Variants in FARS2 observed in about 807,000 individuals in gnomAD.
FARS2 encodes phenylalanyl-tRNA synthetase 2, mitochondrial, also known as phenylalanine--tRNA ligase, mitochondrial.
In FARS2, 40 loss-of-function variants were observed where a neutral mutation model predicts 46.4. The ratio of observed to expected loss-of-function variants is 0.86; its 90% CI spans 0.67 to 1.12. The LOEUF is 1.12. Ranked by LOEUF, FARS2 falls within the 50% of genes most tolerant of loss-of-function variation. The pLI is 0.00. For missense variants in FARS2, 513 were observed against 567.9 expected (o/e 0.90, Z 0.98); for synonymous variants, 234 against 214.9 (o/e 1.09, Z -0.78).
At chr6:5,571,128 T>C (rs569024632) in intron 5 of FARS2, among the ~76,000 whole-genome samples, 8 of 152,368 alleles carry the variant, frequency 5.3e-5, no homozygotes, top group African/African-American at 1.7e-4. Context: ...CAGCCGTTAG[T>C]ATGTAAATGG....
intron 6 of FARS2, among the ~76,000 whole-genome samples, chr6:5,633,759 G>A (rs1776411721): frequency 6.6e-6 from 1 of 152,140 alleles, no homozygotes; most frequent in South Asian, 2.1e-4. Context: ...TATGACTGGT[G>A]AAACAAAATA....
chr6:5,255,262 C>G, the FARS2 span, among the ~76,000 whole-genome samples: 1 of 152,190 alleles, frequency 6.6e-6, no homozygotes, highest in Non-Finnish European at 1.5e-5. Context: ...TCTGCATTCT[C>G]TCATGAGTAT....
upstream of FARS2, chr6:5,260,898 C>T (rs1414259629): frequency 2.9e-6 from 4 of 1,394,476 alleles, no homozygotes; most frequent in East Asian, 1.1e-4. Context: ...CTGCGGATCG[C>T]GGACGGCGCC....
intron 4 of FARS2, among the ~76,000 whole-genome samples, chr6:5,485,106 A>G (rs1483261608): frequency 1.3e-5 from 2 of 151,230 alleles, no homozygotes; most frequent in Non-Finnish European, 2.9e-5. Context: ...CTTATTGGCT[A>G]CTCCTGTGAC....
At chr6:5,270,680 T>C (rs945987139) in intron 1 of FARS2, among the ~76,000 whole-genome samples, 1 of 152,188 alleles carries the variant, frequency 6.6e-6, no homozygotes. Flanking sequence ...TCACCTTCTC[T>C]CCAAAAACCT....
intron 1 of FARS2, among the ~76,000 whole-genome samples, chr6:5,310,862 G>A (rs1475508267): frequency 6.6e-6 from 1 of 152,236 alleles, no homozygotes; most frequent in Non-Finnish European, 1.5e-5. Context: ...CATGTGGTGA[G>A]TGAATGAATG....
At chr6:5,503,661 G>A (rs979315161) in intron 4 of FARS2, among the ~76,000 whole-genome samples, 31 of 151,922 alleles carry the variant, frequency 2.0e-4, no homozygotes, top group African/African-American at 6.3e-4. Context: ...GTATCCAAAC[G>A]AGTTGTGATA....
chr6:5,570,698 TG>T lies in FARS2; in HGVS notation c.1065+25361del, dbSNP rs577821477. On this transcript the variant is annotated intron_variant, in intron 5 of 6. Transcript: ENST00000274680. ...TTTCAACCTCAAAAAGTGATGCCTC[TG>T]GGCACAGAACCACAACATGATTGCT... Among the ~76,000 whole-genome samples, 107 of 152,314 alleles carry T rather than the reference TG, an allele frequency of 7.0e-4. No individual in the cohort carries two copies. In the East Asian group the frequency reaches 0.02, roughly 28 times the overall value.
chr6:5,422,026 AC>A (rs1762577839), intron 3 of FARS2, among the ~76,000 whole-genome samples: 2 of 152,206 alleles, frequency 1.3e-5, no homozygotes, highest in Admixed American at 6.5e-5. Context: ...ATAAAAACAT[AC>A]CTGAGACTGG....
intron 5 of FARS2, among the ~76,000 whole-genome samples, chr6:5,585,409 T>A (rs1189490706): frequency 3.3e-5 from 5 of 152,190 alleles, no homozygotes; most frequent in African/African-American, 9.7e-5. Context: ...TACTGTGTAT[T>A]AGATGCCCAG....
At chr6:5,267,169 A>C (rs1765604740) in intron 1 of FARS2, among the ~76,000 whole-genome samples, 2 of 151,484 alleles carry the variant, frequency 1.3e-5, no homozygotes, top group African/African-American at 2.4e-5. Flanking sequence ...TAAAAAAAAA[A>C]AACTCATTAA....
chr6:5,458,292 T>C lies in FARS2; in HGVS notation c.904+27120T>C, dbSNP rs377296611. Among the ~76,000 whole-genome samples, 7 of 152,328 alleles carry C rather than the reference T, an allele frequency of 4.6e-5. No individual in the cohort carries two copies. In the South Asian group the frequency reaches 1.0e-3, roughly 23 times the overall value. On this transcript the variant is annotated intron_variant, in intron 4 of 6. Transcript: ENST00000274680. ...AAGGGGTTTGTGCAAGAGCTGGCTG[T>C]ACCTGTGTCTGAAACACCTGAGGCC...
chr6:5,617,857 A>G (rs1165404457), intron 6 of FARS2, among the ~76,000 whole-genome samples: 1 of 152,162 alleles, frequency 6.6e-6, no homozygotes, highest in Non-Finnish European at 1.5e-5. Context: ...TATTTTTTAG[A>G]TCTCATTATT....
At chr6:5,507,926 G>A (rs2150395685) in intron 4 of FARS2, among the ~76,000 whole-genome samples, 1 of 152,360 alleles carries the variant, frequency 6.6e-6, no homozygotes, top group South Asian at 2.1e-4. Flanking sequence ...CGAGGTAGGA[G>A]AAGGTTTCTT....
intron 6 of FARS2, among the ~76,000 whole-genome samples, chr6:5,701,847 C>T (rs1046288353): frequency 2.0e-5 from 3 of 152,098 alleles, no homozygotes; most frequent in African/African-American, 7.2e-5. Context: ...ATGGGCTGCT[C>T]GTGGCATGTG....
upstream of FARS2, among the ~76,000 whole-genome samples, chr6:5,256,723 A>C (rs929415036): frequency 1.3e-5 from 2 of 151,802 alleles, no homozygotes; most frequent in African/African-American, 4.8e-5. Context: ...GTGATTAACT[A>C]CCTCTGCTGG....
intron 5 of FARS2, among the ~76,000 whole-genome samples, chr6:5,578,836 A>C (rs1263616990): frequency 9.6e-5 from 1 of 10,422 alleles, no homozygotes; most frequent in Non-Finnish European, 2.9e-4. Flanking sequence ...AAAAAAAACA[A>C]AAAAAAAAGA....
At chr6:5,341,742 C>G (rs1771673528) in intron 1 of FARS2, among the ~76,000 whole-genome samples, 2 of 152,092 alleles carry the variant, frequency 1.3e-5, no homozygotes, top group Non-Finnish European at 2.9e-5. Context: ...TGGTCTTGAA[C>G]TCCTGACCTC....
intron 2 of FARS2, among the ~76,000 whole-genome samples, chr6:5,399,738 T>C (rs113952094): frequency 3.5e-4 from 53 of 152,224 alleles, no homozygotes; most frequent in African/African-American, 1.2e-3. Flanking sequence ...TATGCCCTCT[T>C]GCACTTTGCC....
Sources: gnomAD v4.1 joint callset for allele counts (sites outside exome capture counted in the v4.1 genomes callset) on GRCh38, gnomAD v4.1.1 for gene constraint, MANE v1.5 for transcripts, NCBI Gene and HGNC (gene_info 2026-07-23, HGNC 2026-07-21) for gene names.